The following SGMS1 variants were observed in gnomAD, a reference collection of about 807,000 sequenced individuals.
The protein encoded by SGMS1 is phosphatidylcholine:ceramide cholinephosphotransferase 1.
Under a neutral mutation model 46.2 loss-of-function variants are expected in SGMS1, and 13 were observed. That is an observed-to-expected ratio of 0.28 (90% confidence interval 0.18 to 0.45). SGMS1 has a LOEUF of 0.45. Among genes scored for constraint, SGMS1 ranks in the 20% least tolerant of loss-of-function variants. SGMS1 has a pLI of 1.00. For synonymous variants in SGMS1, 203 were observed against 187.8 expected (o/e 1.08, Z -0.66); for missense variants, 324 against 519.9 (o/e 0.62, Z 3.66).
intron 2 of SGMS1, among the ~76,000 whole-genome samples, chr10:50,554,298 T>C (rs1838172571): frequency 6.6e-6 from 1 of 152,190 alleles, no homozygotes; most frequent in Admixed American, 6.5e-5. Context: ...CCCGTTCCGG[T>C]CTGTCAGTCA....
chr10:50,490,989 AT>A (rs1837563413), intron 3 of SGMS1, among the ~76,000 whole-genome samples: 1 of 152,168 alleles, frequency 6.6e-6, no homozygotes, highest in Non-Finnish European at 1.5e-5. Flanking sequence ...CATTAGTGAT[AT>A]TAATTGATAT....
chr10:50,616,470 T>C (rs1425639138), intron 1 of SGMS1, among the ~76,000 whole-genome samples: 5 of 151,958 alleles, frequency 3.3e-5, no homozygotes, highest in Non-Finnish European at 7.4e-5. Flanking sequence ...TTAGGGGAGG[T>C]ATTCCACCAA....
At chr10:50,490,381 A>T (rs1026510797) in intron 3 of SGMS1, among the ~76,000 whole-genome samples, 1 of 152,212 alleles carries the variant, frequency 6.6e-6, no homozygotes, top group Non-Finnish European at 1.5e-5. Flanking sequence ...AGGAGAAGGC[A>T]TTAGAACTAT....
intron 3 of SGMS1, among the ~76,000 whole-genome samples, chr10:50,481,875 CACA>C (rs1837480382): frequency 6.6e-6 from 1 of 152,102 alleles, no homozygotes; most frequent in African/African-American, 2.4e-5. Flanking sequence ...AACTTCATAG[CACA>C]ACTACAAGTA....
intron 8 of SGMS1, among the ~76,000 whole-genome samples, chr10:50,319,926 A>G (rs1198919364): frequency 6.6e-6 from 1 of 152,246 alleles, no homozygotes; most frequent in Non-Finnish European, 1.5e-5. Flanking sequence ...CTTAGCATCC[A>G]GTGATGATTC....
intron 6 of SGMS1, among the ~76,000 whole-genome samples, chr10:50,393,327 C>T (rs1285975859): frequency 1.3e-5 from 2 of 152,058 alleles, no homozygotes; most frequent in East Asian, 3.8e-4. Flanking sequence ...ACTAAAGAAA[C>T]CAGGTCAAGT....
chr10:50,613,283 G>A (rs1838767075), intron 1 of SGMS1, among the ~76,000 whole-genome samples: 1 of 152,130 alleles, frequency 6.6e-6, no homozygotes, highest in South Asian at 2.1e-4. Context: ...CCTGACCCAG[G>A]GAGGCTAGGT....
chr10:50,558,557 A>G (rs1337585401), intron 2 of SGMS1, among the ~76,000 whole-genome samples: 1 of 152,196 alleles, frequency 6.6e-6, no homozygotes, highest in Admixed American at 6.5e-5. Context: ...GTTCAACGAC[A>G]TGAAATTCCA....
chr10:50,352,522 C>T (rs2133383682), intron 6 of SGMS1, among the ~76,000 whole-genome samples: 1 of 152,262 alleles, frequency 6.6e-6, no homozygotes, highest in African/African-American at 2.4e-5. Context: ...CCCAAAATAA[C>T]ACAAAATTTG....
chr10:50,464,711 GGCATGAGC>G (rs1837309257), intron 4 of SGMS1, among the ~76,000 whole-genome samples: 1 of 152,202 alleles, frequency 6.6e-6, no homozygotes, highest in African/African-American at 2.4e-5. Flanking sequence ...TGTGTTTACA[GGCATGAGC>G]CACTGCGCCT....
At chr10:50,342,872 T>G (rs1248786659) in intron 7 of SGMS1, 1 of 152,142 alleles carries the variant, frequency 6.6e-6, no homozygotes, top group Non-Finnish European at 1.5e-5. Context: ...TACTTAAAAC[T>G]CTGAGAAATT....
chr10:50,501,313 C>A (rs1564929294), intron 3 of SGMS1, among the ~76,000 whole-genome samples: 1 of 152,172 alleles, frequency 6.6e-6, no homozygotes, highest in Non-Finnish European at 1.5e-5. Flanking sequence ...CAAACTCTAT[C>A]ATCCTAACAG....
chr10:50,456,384 C>A lies in SGMS1; in HGVS notation c.-313+4289G>T, dbSNP rs540077210. On this transcript the variant is annotated intron_variant, in intron 5 of 10. Transcript: ENST00000361781. The stretch of plus-strand genomic sequence containing the variant: ...ATGGAATCCCAAGGGAAATAAGGAA[C>A]CATGTCTGAAAAGTAATGGTTTGGT... Among the ~76,000 whole-genome samples the A allele has an allele frequency of 5.9e-5, 9 of 152,120 alleles. No individual in the cohort carries two copies. The East Asian group carries it at 1.7e-3, about 29-fold the overall frequency.
At chr10:50,537,655 C>T (rs1838015419) in intron 2 of SGMS1, among the ~76,000 whole-genome samples, 1 of 118,026 alleles carries the variant, frequency 8.5e-6, no homozygotes, top group Admixed American at 1.1e-4. Context: ...GTGTGATGTT[C>T]CCCATCCTGT....
intron 1 of SGMS1, among the ~76,000 whole-genome samples, chr10:50,607,553 G>A (rs1838709168): frequency 6.6e-6 from 1 of 152,162 alleles, no homozygotes; most frequent in South Asian, 2.1e-4. Flanking sequence ...TATCTTGAAA[G>A]CCAATTTCAT....
chr10:50,538,901 T>A (rs1165728369), intron 2 of SGMS1, among the ~76,000 whole-genome samples: 1 of 152,238 alleles, frequency 6.6e-6, no homozygotes, highest in East Asian at 1.9e-4. Flanking sequence ...AAGTCTGCCA[T>A]GAAATGCCTT....
At chr10:50,505,949 A>T (rs1837703213) in intron 3 of SGMS1, among the ~76,000 whole-genome samples, 1 of 152,190 alleles carries the variant, frequency 6.6e-6, no homozygotes, top group South Asian at 2.1e-4. Flanking sequence ...CTACCTGCAG[A>T]CATGGCACCA....
chr10:50,461,603 T>A (rs1837265299), intron 4 of SGMS1, among the ~76,000 whole-genome samples: 1 of 152,152 alleles, frequency 6.6e-6, no homozygotes, highest in Non-Finnish European at 1.5e-5. Flanking sequence ...GTATTGAGTA[T>A]CTGATGAAAA....
At chr10:50,354,888 T>A (rs1036268490) in intron 6 of SGMS1, among the ~76,000 whole-genome samples, 6 of 152,038 alleles carry the variant, frequency 3.9e-5, no homozygotes, top group African/African-American at 1.5e-4. Flanking sequence ...AAAACCACAA[T>A]GAGATACCAT....
Sources: gnomAD v4.1 joint callset for allele counts (sites outside exome capture counted in the v4.1 genomes callset) on GRCh38, gnomAD v4.1.1 for gene constraint, MANE v1.5 for transcripts, NCBI Gene and HGNC (gene_info 2026-07-23, HGNC 2026-07-21) for gene names.